Variants in CNTNAP2 observed in about 807,000 individuals in gnomAD.
CNTNAP2 encodes contactin associated protein 2, also known as contactin-associated protein-like 2.
A neutral mutation model predicts 155.2 loss-of-function variants in CNTNAP2; 98 were observed. That is an observed-to-expected ratio of 0.63 (90% confidence interval 0.54 to 0.75). The LOEUF (loss-of-function observed/expected upper bound fraction) is 0.75, where lower values mean the gene tolerates loss of function less well. Among genes scored for constraint, CNTNAP2 ranks in the 30% least tolerant of loss-of-function variants. The probability of loss-of-function intolerance (pLI) is 0.00; values close to 1 mark genes in which losing one functional copy is unlikely to be tolerated. For synonymous variants in CNTNAP2, 651 were observed against 631.2 expected (o/e 1.03, Z -0.47); for missense variants, 1,727 against 1,688.1 (o/e 1.02, Z -0.40).
intron 17 of CNTNAP2, among the ~76,000 whole-genome samples, chr7:148,167,332 T>A (rs2116683630): frequency 6.6e-6 from 1 of 152,186 alleles, no homozygotes; most frequent in South Asian, 2.1e-4. Flanking sequence ...AGAGAAGGGA[T>A]TTCACCATGC....
At chr7:146,118,787 T>G (rs1019822170) in intron 1 of CNTNAP2, among the ~76,000 whole-genome samples, 10 of 152,160 alleles carry the variant, frequency 6.6e-5, no homozygotes, top group African/African-American at 2.4e-4. Flanking sequence ...TAGAAACAAT[T>G]ACTTTTAAGA....
At chr7:146,308,782 A>G (rs1276412263) in intron 1 of CNTNAP2, among the ~76,000 whole-genome samples, 1 of 151,910 alleles carries the variant, frequency 6.6e-6, no homozygotes, top group Non-Finnish European at 1.5e-5. Flanking sequence ...AACAATAAAA[A>G]CACTTGGACA....
At chr7:148,199,889 T>C (rs1795340270) in intron 18 of CNTNAP2, among the ~76,000 whole-genome samples, 1 of 152,152 alleles carries the variant, frequency 6.6e-6, no homozygotes, top group Admixed American at 6.5e-5. Context: ...TATAATTCAG[T>C]CTGAGCCCAA....
chr7:146,991,965 C>T (rs772069752), intron 3 of CNTNAP2, among the ~76,000 whole-genome samples: 3 of 152,026 alleles, frequency 2.0e-5, no homozygotes, highest in Non-Finnish European at 2.9e-5. Flanking sequence ...GTATATTTGT[C>T]CCTTTACTCA....
At chr7:146,504,313 C>T (rs1034335735) in intron 1 of CNTNAP2, among the ~76,000 whole-genome samples, 1 of 152,184 alleles carries the variant, frequency 6.6e-6, no homozygotes, top group Non-Finnish European at 1.5e-5. Flanking sequence ...AGGCCAGAGC[C>T]CAGAGACACC....
chr7:146,286,368 G>T (rs1800337135), intron 1 of CNTNAP2, among the ~76,000 whole-genome samples: 1 of 151,924 alleles, frequency 6.6e-6, no homozygotes, highest in Non-Finnish European at 1.5e-5. Flanking sequence ...CAGTCCAATT[G>T]TTGGTGACCG....
intron 1 of CNTNAP2, among the ~76,000 whole-genome samples, chr7:146,665,348 T>C (rs899317534): frequency 6.6e-6 from 1 of 152,258 alleles, no homozygotes; most frequent in Non-Finnish European, 1.5e-5. Flanking sequence ...GAATCAGCTT[T>C]AAGTTTCACT....
At chr7:146,568,372 CAG>C (rs1324137892) in intron 1 of CNTNAP2, among the ~76,000 whole-genome samples, 3 of 152,150 alleles carry the variant, frequency 2.0e-5, no homozygotes, top group Non-Finnish European at 4.4e-5. Flanking sequence ...TAATTTCCTG[CAG>C]AGAGGTAGAC....
At chr7:147,347,871 AATCTAC>A (rs1434438108) in intron 9 of CNTNAP2, among the ~76,000 whole-genome samples, 11 of 152,096 alleles carry the variant, frequency 7.2e-5, no homozygotes, top group Admixed American at 7.2e-4. Flanking sequence ...CTCAGAAATT[AATCTAC>A]ATGTCTATAC....
At chr7:147,739,019 T>C (rs1053611536) in intron 13 of CNTNAP2, among the ~76,000 whole-genome samples, 1 of 152,178 alleles carries the variant, frequency 6.6e-6, no homozygotes, top group African/African-American at 2.4e-5. Context: ...TAGTATTCAC[T>C]TTATTCTGGC....
At chr7:146,534,027 A>G (rs1355998820) in intron 1 of CNTNAP2, among the ~76,000 whole-genome samples, 1 of 152,168 alleles carries the variant, frequency 6.6e-6, no homozygotes, top group Non-Finnish European at 1.5e-5. Flanking sequence ...ACAAAGTTCT[A>G]CAAATGAGTC....
chr7:146,244,381 A>G (rs899363484), intron 1 of CNTNAP2, among the ~76,000 whole-genome samples: 4 of 152,044 alleles, frequency 2.6e-5, no homozygotes, highest in African/African-American at 9.7e-5. Flanking sequence ...AGATAGTAGG[A>G]ATGACAAGTT....
intron 14 of CNTNAP2, among the ~76,000 whole-genome samples, chr7:147,910,916 A>C (rs1800053312): frequency 6.6e-6 from 1 of 152,170 alleles, no homozygotes; most frequent in Non-Finnish European, 1.5e-5. Context: ...TGTGTACTAT[A>C]TACAGCACAA....
intron 10 of CNTNAP2, among the ~76,000 whole-genome samples, chr7:147,417,574 T>A (rs1484396997): frequency 6.6e-6 from 1 of 152,194 alleles, no homozygotes; most frequent in African/African-American, 2.4e-5. Flanking sequence ...CTTTTGCACA[T>A]TAGAGAACGT....
At chr7:147,926,027 G>A (rs563078712) in intron 14 of CNTNAP2, among the ~76,000 whole-genome samples, 9 of 152,158 alleles carry the variant, frequency 5.9e-5, no homozygotes, top group Non-Finnish European at 1.0e-4. Flanking sequence ...GTATGTAGAA[G>A]AATTTAGGGA....
intron 13 of CNTNAP2, among the ~76,000 whole-genome samples, chr7:147,642,755 G>A (rs1795300797): frequency 1.3e-5 from 2 of 152,064 alleles, no homozygotes; most frequent in Admixed American, 6.6e-5. Flanking sequence ...TCTAGACACT[G>A]GGTTTCCCAT....
At chr7:146,567,491 A>T (rs1398321052) in intron 1 of CNTNAP2, among the ~76,000 whole-genome samples, 1 of 152,148 alleles carries the variant, frequency 6.6e-6, no homozygotes. Flanking sequence ...ACCTATCTTC[A>T]TTGCATTTGA....
chr7:146,608,874 TCTTA>T (rs1402863023), intron 1 of CNTNAP2, among the ~76,000 whole-genome samples: 1 of 152,162 alleles, frequency 6.6e-6, no homozygotes, highest in African/African-American at 2.4e-5. Flanking sequence ...TGTACATACC[TCTTA>T]CTTTCTCCTA....
chr7:147,631,571 A>G (rs549079967), intron 12 of CNTNAP2, among the ~76,000 whole-genome samples: 6 of 152,246 alleles, frequency 3.9e-5, no homozygotes, highest in African/African-American at 1.4e-4. Context: ...CGTTACCCTA[A>G]TTAAAACTAT....
Sources: gnomAD v4.1 joint callset for allele counts (sites outside exome capture counted in the v4.1 genomes callset) on GRCh38, gnomAD v4.1.1 for gene constraint, MANE v1.5 for transcripts, NCBI Gene and HGNC (gene_info 2026-07-23, HGNC 2026-07-21) for gene names.